CDH13: variants seen among roughly 807,000 people sequenced by gnomAD.
CDH13 encodes cadherin-13.
Under a neutral mutation model 63.8 loss-of-function variants are expected in CDH13, and 24 were observed. The observed-to-expected ratio is 0.38, with a 90% confidence interval of 0.27 to 0.53. The LOEUF (loss-of-function observed/expected upper bound fraction) is 0.53, where lower values mean the gene tolerates loss of function less well. CDH13 is among the 20% of genes least tolerant of loss of function. CDH13 has a pLI of 0.85. For missense variants in CDH13, 1,049 were observed against 903.1 expected (o/e 1.16, Z -2.07); for synonymous variants, 503 against 355.3 (o/e 1.42, Z -4.67).
chr16:82,712,107 A>G (rs917433453), intron 1 of CDH13, among the ~76,000 whole-genome samples: 1 of 152,182 alleles, frequency 6.6e-6, no homozygotes, highest in Non-Finnish European at 1.5e-5. Context: ...ATATCTTAAA[A>G]AAAACTTACC....
chr16:83,478,964 C>T (rs2073686187), intron 6 of CDH13, among the ~76,000 whole-genome samples: 1 of 152,046 alleles, frequency 6.6e-6, no homozygotes, highest in Admixed American at 6.5e-5. Flanking sequence ...ACATTATTTA[C>T]AATTCATCAC....
intron 13 of CDH13, chr16:83,789,910 C>G (rs1045146465): frequency 1.3e-5 from 2 of 152,128 alleles, no homozygotes; most frequent in African/African-American, 2.4e-5. Flanking sequence ...GCCACCGAGA[C>G]CAGCTGGCCC....
intron 7 of CDH13, among the ~76,000 whole-genome samples, chr16:83,560,522 GGGATT>G (rs955389718): frequency 6.5e-4 from 99 of 152,276 alleles, no homozygotes; most frequent in African/African-American, 2.3e-3. Flanking sequence ...CTTGGGGGAG[GGGATT>G]GGTGTGGTAT....
At chr16:82,633,313 C>G (rs1597169674) in intron 1 of CDH13, among the ~76,000 whole-genome samples, 1 of 152,352 alleles carries the variant, frequency 6.6e-6, no homozygotes, top group East Asian at 1.9e-4. Context: ...GCCAAGGCCT[C>G]CGGGAACACT....
intron 5 of CDH13, among the ~76,000 whole-genome samples, chr16:83,247,278 C>T (rs570101242): frequency 5.9e-5 from 9 of 152,150 alleles, no homozygotes; most frequent in East Asian, 1.9e-4. Flanking sequence ...AGTACATGTT[C>T]TGCACCAGAC....
intron 1 of CDH13, among the ~76,000 whole-genome samples, chr16:82,772,067 C>G (rs1225976602): frequency 6.6e-6 from 1 of 152,192 alleles, no homozygotes; most frequent in Non-Finnish European, 1.5e-5. Flanking sequence ...GAAAAAGACA[C>G]AGATGCCCTT....
At position 83,399,029 on chromosome 16, in the gene CDH13, G is replaced by C. The variant is rs561961820; in HGVS notation, c.781+54023G>C. On this transcript the variant is annotated intron_variant, in intron 6 of 13. Coordinates refer to ENST00000567109, the MANE Select transcript of CDH13 (RefSeq NM_001257.5). ...ATAAATGATGAAGCTAACACTCAAA[G>C]CCATAGACCATTCAAATGCTTTATA... is the stretch of plus-strand genomic sequence containing the variant. Among the ~76,000 whole-genome samples the C allele has an allele frequency of 4.6e-5, 7 of 152,296 alleles. No individual in the cohort carries two copies. The East Asian group carries it at 1.3e-3, about 29-fold the overall frequency.
At chr16:83,395,899 C>T (rs1347911815) in intron 6 of CDH13, among the ~76,000 whole-genome samples, 1 of 152,082 alleles carries the variant, frequency 6.6e-6, no homozygotes, top group Non-Finnish European at 1.5e-5. Context: ...ATCTCATCAC[C>T]CACACATTAA....
At chr16:83,469,585 G>C (rs978432965) in intron 6 of CDH13, among the ~76,000 whole-genome samples, 2 of 152,096 alleles carry the variant, frequency 1.3e-5, no homozygotes, top group Non-Finnish European at 2.9e-5. Context: ...ATGGGTTTTT[G>C]TCTATTGCAT....
chr16:82,669,397 G>A (rs1567608728), intron 1 of CDH13, among the ~76,000 whole-genome samples: 1 of 152,178 alleles, frequency 6.6e-6, no homozygotes, highest in Non-Finnish European at 1.5e-5. Flanking sequence ...CTGCCACATT[G>A]ATAAAGTCTA....
chr16:82,839,014 A>G (rs924218801), intron 1 of CDH13, among the ~76,000 whole-genome samples: 1 of 152,236 alleles, frequency 6.6e-6, no homozygotes, highest in Non-Finnish European at 1.5e-5. Flanking sequence ...GACATACACA[A>G]TAGGTAAACC....
intron 9 of CDH13, among the ~76,000 whole-genome samples, chr16:83,676,765 A>G (rs1914990056): frequency 6.6e-6 from 1 of 151,894 alleles, no homozygotes; most frequent in Admixed American, 6.6e-5. Context: ...GTGGGCACAC[A>G]CTCTCCCATG....
intron 3 of CDH13, among the ~76,000 whole-genome samples, chr16:83,063,774 G>C (rs1239701094): frequency 6.6e-6 from 1 of 152,198 alleles, no homozygotes; most frequent in Non-Finnish European, 1.5e-5. Flanking sequence ...CAAGGTGTCA[G>C]CAGAACTGGT....
intron 7 of CDH13, among the ~76,000 whole-genome samples, chr16:83,537,644 A>C (rs2075219988): frequency 9.5e-6 from 1 of 105,136 alleles, no homozygotes; most frequent in African/African-American, 3.5e-5. Context: ...TTTGTTCTAC[A>C]GGAAAAAAAA....
In CDH13 at chr16:83,672,409, CTTTTTTTTTTTTTTTTT is replaced by C. The variant is rs34156503; in HGVS notation, c.1284+1455_1284+1471del. ...AGAGTGAGGCAGCTCTCTGGATTCT[CTTTTTTTTTTTTTTTTT>C]TTTTTTTTTTTTTTTTTGAGACAGA... On this transcript the variant is annotated intron_variant, in intron 9 of 13. Transcript: ENST00000567109. Among the ~76,000 whole-genome samples the C allele has an allele frequency of 4.8e-4, 17 of 35,140 alleles. 1 individual carries two copies. The highest frequency in any genetic ancestry group is 0.036 in the Middle Eastern group (1 of 28). The allele number at this position is 35,140 out of a possible 152,430, so 23.1% of individuals were successfully genotyped here.
At chr16:82,925,721 A>G (rs2042283548) in intron 2 of CDH13, among the ~76,000 whole-genome samples, 1 of 152,192 alleles carries the variant, frequency 6.6e-6, no homozygotes, top group Non-Finnish European at 1.5e-5. Context: ...CAGCCCATGA[A>G]TTTAAAACCT....
chr16:82,741,298 C>A (rs1217743954), intron 1 of CDH13, among the ~76,000 whole-genome samples: 1 of 152,144 alleles, frequency 6.6e-6, no homozygotes, highest in Non-Finnish European at 1.5e-5. Flanking sequence ...CATGTTATTT[C>A]CTTTGCTGGG....
intron 11 of CDH13, among the ~76,000 whole-genome samples, chr16:83,757,212 A>G (rs1333831175): frequency 6.6e-6 from 1 of 152,240 alleles, no homozygotes; most frequent in Non-Finnish European, 1.5e-5. Context: ...AAATGTCAAA[A>G]CTTGTGGGAT....
At chr16:83,281,169 A>G (rs2089160532) in intron 5 of CDH13, among the ~76,000 whole-genome samples, 2 of 152,362 alleles carry the variant, frequency 1.3e-5, no homozygotes, top group African/African-American at 4.8e-5. Context: ...TGTTTAGTGT[A>G]GCCACTTTCA....
Sources: gnomAD v4.1 joint callset for allele counts (sites outside exome capture counted in the v4.1 genomes callset) on GRCh38, gnomAD v4.1.1 for gene constraint, MANE v1.5 for transcripts, NCBI Gene and HGNC (gene_info 2026-07-23, HGNC 2026-07-21) for gene names.